Variants in DNAI2 observed in about 807,000 individuals in gnomAD.
DNAI2 encodes dynein axonemal intermediate chain 2.
Under a neutral mutation model 74.7 loss-of-function variants are expected in DNAI2, and 63 were observed. The observed-to-expected ratio is 0.84, with a 90% confidence interval of 0.69 to 1.04. DNAI2 has a LOEUF of 1.04. DNAI2 is among the 50% of genes least tolerant of loss of function. The probability of loss-of-function intolerance (pLI) is 0.00; values close to 1 mark genes in which losing one functional copy is unlikely to be tolerated. For synonymous variants in DNAI2, 289 were observed against 314.9 expected, an observed-to-expected ratio of 0.92 and a Z score of 0.87; for missense variants, 688 against 803.2, an observed-to-expected ratio of 0.86 and a Z score of 1.73.
At chr17:74,303,235 C>G (rs1415167632) in intron 8 of DNAI2, among the ~76,000 whole-genome samples, 1 of 152,216 alleles carries the variant, frequency 6.6e-6, no homozygotes, top group African/African-American at 2.4e-5. Context: ...GACTCAAACC[C>G]AGGGCTCCAA....
chr17:74,281,667 C>G lies in DNAI2; in HGVS notation c.-11-140C>G, dbSNP rs530210216. On this transcript the variant is annotated intron_variant, in intron 1 of 13. Coordinates refer to ENST00000311014, the MANE Select transcript of DNAI2 (RefSeq NM_023036.6). ...TTTTAATGCGGATGCAGCTTCTGGACAAATTCCTAGGATCTCCCCACCACC... is the reference window on the plus strand; with the variant it reads ...TTTTAATGCGGATGCAGCTTCTGGAGAAATTCCTAGGATCTCCCCACCACC... The G allele has an allele frequency of 3.3e-5, 25 of 761,910 alleles. No individual in the cohort carries two copies. The African/African-American group carries it at 3.3e-4, about 10-fold the overall frequency. The allele number at this position is 761,910 out of a possible 1,614,324, so 47.2% of individuals were successfully genotyped here.
intron 6 of DNAI2, among the ~76,000 whole-genome samples, chr17:74,296,834 C>T (rs1250667108): frequency 1.3e-5 from 2 of 152,150 alleles, no homozygotes; most frequent in Non-Finnish European, 2.9e-5. Context: ...ATTTTCAAGG[C>T]CACCACGGAA....
At chr17:74,308,451 G>A (rs564479035) in intron 9 of DNAI2, among the ~76,000 whole-genome samples, 3 of 152,276 alleles carry the variant, frequency 2.0e-5, no homozygotes, top group East Asian at 1.9e-4. Context: ...CCAGCAACAC[G>A]TGCCTGCTGC....
intron 5 of DNAI2, 150 bp from the exon 6 acceptor site, chr17:74,290,870 G>T: frequency 1.3e-6 from 1 of 776,380 alleles, no homozygotes; most frequent in South Asian, 1.4e-5. Flanking sequence ...GGTGGACCAG[G>T]GGGTGCAGGC....
chr17:74,278,795 A>G (rs1378066440), intron 1 of DNAI2, among the ~76,000 whole-genome samples: 12 of 152,120 alleles, frequency 7.9e-5, no homozygotes, highest in Admixed American at 7.9e-4. Context: ...AAGAAAAGAA[A>G]AGAAAGAATG....
chr17:74,312,718 G>A (rs569413507), intron 12 of DNAI2, among the ~76,000 whole-genome samples: 85 of 152,332 alleles, frequency 5.6e-4, no homozygotes, highest in African/African-American at 2.0e-3. Context: ...CAGCTCTAAA[G>A]CACTTTCTAG....
intron 4 of DNAI2, among the ~76,000 whole-genome samples, chr17:74,287,965 A>AAG (rs2143929054): frequency 6.6e-6 from 1 of 152,024 alleles, no homozygotes; most frequent in East Asian, 1.9e-4. Context: ...AAAAAAAAAA[A>AAG]AAAAGCAGTG....
intron 11 of DNAI2, among the ~76,000 whole-genome samples, chr17:74,310,695 C>T (rs907937140): frequency 1.3e-5 from 2 of 151,588 alleles, no homozygotes; most frequent in African/African-American, 2.4e-5. Flanking sequence ...CATACCACCA[C>T]GCCCAGCTAA....
At chr17:74,311,334 C>G (rs1294547184) in intron 11 of DNAI2, among the ~76,000 whole-genome samples, 1 of 152,102 alleles carries the variant, frequency 6.6e-6, no homozygotes, top group Non-Finnish European at 1.5e-5. Context: ...AGTGCTAGGG[C>G]CGGGTGTGGT....
chr17:74,275,607 G>A (rs1229858181), intron 1 of DNAI2, among the ~76,000 whole-genome samples: 4 of 152,202 alleles, frequency 2.6e-5, no homozygotes, highest in African/African-American at 9.6e-5. Context: ...CACGCCTGTA[G>A]TCCCAGCTAC....
intron 1 of DNAI2, among the ~76,000 whole-genome samples, chr17:74,277,438 CA>C (rs2051157461): frequency 6.6e-6 from 1 of 151,846 alleles, no homozygotes; most frequent in African/African-American, 2.4e-5. Context: ...CCACTTTCTG[CA>C]ACAGTCTGGT....
chr17:74,274,948 C>T (rs550931190), intron 1 of DNAI2, among the ~76,000 whole-genome samples: 2 of 152,238 alleles, frequency 1.3e-5, no homozygotes, highest in Non-Finnish European at 2.9e-5. Flanking sequence ...TTCTCTTGAA[C>T]CACAGAAGTG....
chr17:74,279,489 T>TA (rs199832373), intron 1 of DNAI2, among the ~76,000 whole-genome samples: 3,143 of 151,300 alleles, frequency 0.021, 121 homozygotes, highest in African/African-American at 0.072. Context: ...AATTAAAAAT[T>TA]AAAAAAAAAT....
chr17:74,295,554 C>T (rs2052378589), intron 6 of DNAI2, among the ~76,000 whole-genome samples: 1 of 152,072 alleles, frequency 6.6e-6, no homozygotes, highest in Non-Finnish European at 1.5e-5. Context: ...CTAGTTAGTC[C>T]AATATCTGGG....
intron 12 of DNAI2, 22 bp downstream of exon 12, chr17:74,312,252 G>T (rs1351997080): frequency 1.8e-6 from 1 of 563,748 alleles, no homozygotes; most frequent in South Asian, 1.5e-5. Context: ...GACAGGGGTT[G>T]GGTGGGTTGG....
chr17:74,299,379 T>G (rs958033564), intron 6 of DNAI2, among the ~76,000 whole-genome samples: 1 of 152,132 alleles, frequency 6.6e-6, no homozygotes, highest in Non-Finnish European at 1.5e-5. Context: ...CTCAGCTACC[T>G]GTCACTTCCT....
intron 6 of DNAI2, among the ~76,000 whole-genome samples, 191 bp downstream of exon 6, chr17:74,291,324 C>G (rs1482506239): frequency 6.6e-6 from 1 of 152,152 alleles, no homozygotes; most frequent in African/African-American, 2.4e-5. Flanking sequence ...CCACACCTGG[C>G]TAATTTTTTT....
rs753284790 is a variant in DNAI2, at chr17:74,289,613, A to G, written c.487A>G (p.Arg163Gly). ...CTGCAGGGACCCCCAGGAAATCAAGAGGGCTGCCACACACCTCTCCTGGCA... is the reference window on the plus strand; with the variant it reads ...CTGCAGGGACCCCCAGGAAATCAAGGGGGCTGCCACACACCTCTCCTGGCA... Reference protein sequence around the residue: ...NVFRDPQEIKRAATHLSWHPD... With the variant: ...NVFRDPQEIKGAATHLSWHPD... The change falls in exon 5 of 14, where the codon AGG becomes GGG. Residue 163 changes from arginine to glycine, a missense_variant. Coordinates refer to ENST00000311014, the MANE Select transcript of DNAI2 (RefSeq NM_023036.6). The G allele has an allele frequency of 9.3e-6, 15 of 1,613,740 alleles. No homozygotes were observed. Among genetic ancestry groups the G allele is most frequent in the Admixed American group, 6.7e-5 (4 of 59,972 alleles).
At chr17:74,284,455 C>A (rs1432391856) in intron 2 of DNAI2, among the ~76,000 whole-genome samples, 1 of 152,128 alleles carries the variant, frequency 6.6e-6, no homozygotes, top group Non-Finnish European at 1.5e-5. Context: ...CTCTGTCGCC[C>A]AGGCTGGAGT....
Sources: gnomAD v4.1 joint callset for allele counts (sites outside exome capture counted in the v4.1 genomes callset) on GRCh38, gnomAD v4.1.1 for gene constraint, MANE v1.5 for transcripts, NCBI Gene and HGNC (gene_info 2026-07-23, HGNC 2026-07-21) for gene names.